Variants in CNTN5 observed in about 807,000 individuals in gnomAD.
CNTN5 encodes the protein contactin 5, also known as contactin-5.
CNTN5 carries 77 observed loss-of-function variants against 129.1 expected under a neutral mutation model. That is an observed-to-expected ratio of 0.60 (90% confidence interval 0.50 to 0.72). The LOEUF is 0.72. Ranked by LOEUF, CNTN5 falls within the 30% of genes least tolerant of loss-of-function variation. The probability of loss-of-function intolerance (pLI) is 0.00; values close to 1 mark genes in which losing one functional copy is unlikely to be tolerated. For synonymous variants in CNTN5, 509 were observed against 465.6 expected (o/e 1.09, Z -1.20); for missense variants, 1,478 against 1,328.8 (o/e 1.11, Z -1.75).
intron 15 of CNTN5, among the ~76,000 whole-genome samples, chr11:100,218,644 G>T (rs981127588): frequency 6.6e-6 from 1 of 152,162 alleles, no homozygotes; most frequent in Non-Finnish European, 1.5e-5. Flanking sequence ...CACAAATTAC[G>T]TAGCCAGTCC....
intron 1 of CNTN5, among the ~76,000 whole-genome samples, chr11:99,127,307 G>A (rs1377045008): frequency 6.6e-6 from 1 of 152,032 alleles, no homozygotes. Context: ...TGTCATAAAT[G>A]TTCATCTACA....
At chr11:100,300,483 C>T (rs1951194646) in intron 20 of CNTN5, among the ~76,000 whole-genome samples, 1 of 151,430 alleles carries the variant, frequency 6.6e-6, no homozygotes, top group South Asian at 2.1e-4. Flanking sequence ...TAAACTAACC[C>T]TTATACTTCC....
chr11:99,434,007 T>A (rs1345941043), intron 2 of CNTN5, among the ~76,000 whole-genome samples: 1 of 152,128 alleles, frequency 6.6e-6, no homozygotes, highest in Admixed American at 6.6e-5. Flanking sequence ...GATACAGTGA[T>A]TATTACTACT....
rs1018400781 is a variant in CNTN5, at chr11:100,261,834, C to G, written c.2164+5916C>G. 1.2e-4 allele frequency among the ~76,000 whole-genome samples: 18 copies of G among 152,200 alleles called. 1 individual carries two copies. The highest frequency in any genetic ancestry group is 3.9e-4 in the Admixed American group (6 of 15,284). Reference sequence around the variant, plus strand: ...TAAGACTTAAACGTAAGACCTAAAACCATAAAAACCCTGGAAGAAAACCTA... The same window carrying G: ...TAAGACTTAAACGTAAGACCTAAAAGCATAAAAACCCTGGAAGAAAACCTA... On this transcript the variant is annotated intron_variant, in intron 17 of 24. Transcript: ENST00000524871.
chr11:99,263,522 A>G (rs1447437016), intron 1 of CNTN5, among the ~76,000 whole-genome samples: 6 of 152,292 alleles, frequency 3.9e-5, no homozygotes, highest in African/African-American at 1.4e-4. Context: ...AGACACATAC[A>G]TTATAGTATG....
intron 1 of CNTN5, among the ~76,000 whole-genome samples, chr11:99,308,319 A>C (rs1222732293): frequency 6.6e-6 from 1 of 152,236 alleles, no homozygotes; most frequent in African/African-American, 2.4e-5. Flanking sequence ...AAGCAAAACA[A>C]CATTATATTT....
intron 2 of CNTN5, among the ~76,000 whole-genome samples, chr11:99,427,780 A>T (rs889730338): frequency 1.3e-5 from 2 of 151,216 alleles, no homozygotes; most frequent in South Asian, 2.1e-4. Context: ...AAAAAAAAAA[A>T]AAAAAAAAAA....
chr11:100,096,786 A>C (rs1008522255), intron 13 of CNTN5, among the ~76,000 whole-genome samples: 11 of 152,126 alleles, frequency 7.2e-5, no homozygotes, highest in African/African-American at 2.2e-4. Flanking sequence ...CCTGGGGACC[A>C]ATAATTCCCT....
intron 2 of CNTN5, among the ~76,000 whole-genome samples, chr11:99,503,539 G>T (rs142294008): frequency 1.3e-5 from 2 of 152,314 alleles, no homozygotes; most frequent in East Asian, 1.9e-4. Flanking sequence ...TGTGAAACAA[G>T]TGTGCCTCTC....
chr11:99,786,487 G>T (rs1390607371), intron 3 of CNTN5, among the ~76,000 whole-genome samples: 1 of 151,976 alleles, frequency 6.6e-6, no homozygotes, highest in Non-Finnish European at 1.5e-5. Context: ...TTTCTTCACA[G>T]AATTAGAAAA....
chr11:99,322,699 AT>A (rs1302184195), intron 1 of CNTN5, among the ~76,000 whole-genome samples: 1 of 152,170 alleles, frequency 6.6e-6, no homozygotes, highest in East Asian at 1.9e-4. Flanking sequence ...TAAGGGACAA[AT>A]TTTTGTATCC....
chr11:99,752,800 T>C (rs7932059), intron 3 of CNTN5, among the ~76,000 whole-genome samples: 29,604 of 152,088 alleles, frequency 0.19, 3,726 homozygotes, highest in East Asian at 0.63. Context: ...AAGTAACTGC[T>C]TTATTTGAGT....
At chr11:99,772,598 C>G (rs975263168) in intron 3 of CNTN5, among the ~76,000 whole-genome samples, 4 of 152,052 alleles carry the variant, frequency 2.6e-5, no homozygotes, top group Non-Finnish European at 2.9e-5. Context: ...TAAAGGACAA[C>G]TTTGATTCTA....
At chr11:99,618,435 CACTCACAGTTTCATGT>C (rs1311375147) in intron 3 of CNTN5, among the ~76,000 whole-genome samples, 2 of 152,106 alleles carry the variant, frequency 1.3e-5, no homozygotes, top group Non-Finnish European at 2.9e-5. Context: ...CTTGATTAAT[CACTCACAGTTTCATGT>C]ACTAAGCTTC....
At position 99,181,555 on chromosome 11, in the gene CNTN5, A is replaced by C. The variant is rs540676271; in HGVS notation, c.-209-143791A>C. The stretch of plus-strand genomic sequence containing the variant: ...ACCGACTGCAGTTGGCTTGCGTTGC[A>C]ACGGTGGCTACCCAGTTGATGAACT... On this transcript the variant is annotated intron_variant, in intron 1 of 24. Transcript: ENST00000524871. 1.6e-3 allele frequency among the ~76,000 whole-genome samples: 244 copies of C among 152,316 alleles called. No individual in the cohort carries two copies. The Middle Eastern group carries it at 0.017, about 11-fold the overall frequency.
intron 3 of CNTN5, among the ~76,000 whole-genome samples, chr11:99,622,022 A>C (rs1950967321): frequency 6.6e-6 from 1 of 152,206 alleles, no homozygotes; most frequent in Admixed American, 6.5e-5. Flanking sequence ...CTTTAGAGCT[A>C]CACACATTTG....
chr11:99,318,502 G>A lies in CNTN5; in HGVS notation c.-209-6844G>A, dbSNP rs561881512. ...AAATAAAGATAAATTGATTTAATGT[G>A]ATGGCATCACATCATAGTAATTTCA... is the stretch of plus-strand genomic sequence containing the variant. On this transcript the variant is annotated intron_variant, in intron 1 of 24. Transcript: ENST00000524871. Among the ~76,000 whole-genome samples the A allele has an allele frequency of 1.5e-4, 23 of 151,906 alleles. 1 individual carries two copies. In the South Asian group the frequency reaches 4.8e-3, roughly 32 times the overall value.
At chr11:99,526,768 A>G (rs1181301716) in intron 2 of CNTN5, among the ~76,000 whole-genome samples, 1 of 152,224 alleles carries the variant, frequency 6.6e-6, no homozygotes, top group Admixed American at 6.5e-5. Context: ...CTACATATTC[A>G]TTATGTGTAC....
intron 3 of CNTN5, among the ~76,000 whole-genome samples, chr11:99,615,920 G>A (rs1320005623): frequency 2.0e-5 from 3 of 151,692 alleles, no homozygotes; most frequent in East Asian, 3.9e-4. Flanking sequence ...GCTTTTTGCC[G>A]AGACAGGGTT....
Sources: gnomAD v4.1 joint callset for allele counts (sites outside exome capture counted in the v4.1 genomes callset) on GRCh38, gnomAD v4.1.1 for gene constraint, MANE v1.5 for transcripts, NCBI Gene and HGNC (gene_info 2026-07-23, HGNC 2026-07-21) for gene names.